Variants in GAN observed in about 807,000 individuals in gnomAD.
GAN encodes epididymis secretory sperm binding protein.
A neutral mutation model predicts 71.3 loss-of-function variants in GAN; 48 were observed. The observed-to-expected ratio is 0.67, with a 90% CI of 0.53 to 0.86. The LOEUF (loss-of-function observed/expected upper bound fraction) is 0.86. Ranked by LOEUF, GAN falls within the 40% of genes least tolerant of loss-of-function variation. The pLI is 0.00. For synonymous variants in GAN, 386 were observed against 276.8 expected (o/e 1.39, Z -3.92); for missense variants, 928 against 770.1 (o/e 1.21, Z -2.43).
At chr16:81,361,619 A>AT (rs1910675407) in intron 5 of GAN, among the ~76,000 whole-genome samples, 1 of 152,230 alleles carries the variant, frequency 6.6e-6, no homozygotes. Flanking sequence ...TTCATGCTTG[A>AT]TAACCTCTGT....
At chr16:81,375,843 A>C (rs930695376) in intron 9 of GAN, among the ~76,000 whole-genome samples, 3 of 151,734 alleles carry the variant, frequency 2.0e-5, no homozygotes, top group African/African-American at 7.3e-5. Context: ...GGTGGTGTGC[A>C]CCTGTGGTCC....
intron 1 of GAN, among the ~76,000 whole-genome samples, chr16:81,320,440 A>C (rs1184817232): frequency 6.6e-6 from 1 of 152,232 alleles, no homozygotes; most frequent in Non-Finnish European, 1.5e-5. Flanking sequence ...TACACTCCCG[A>C]GGCAGCAGTA....
At chr16:81,316,864 T>C (rs1334039499) in intron 1 of GAN, among the ~76,000 whole-genome samples, 3 of 152,164 alleles carry the variant, frequency 2.0e-5, no homozygotes, top group Non-Finnish European at 4.4e-5. Flanking sequence ...CGTGGTGTTT[T>C]GTTTTGTTTT....
intron 1 of GAN, among the ~76,000 whole-genome samples, chr16:81,343,682 G>T (rs1910021736): frequency 6.6e-6 from 1 of 152,294 alleles, no homozygotes; most frequent in Middle Eastern, 3.4e-3. Context: ...GCAAAAATTG[G>T]AAGTATTCTC....
chr16:81,369,038 T>G (rs758758795), intron 9 of GAN, among the ~76,000 whole-genome samples: 1 of 152,240 alleles, frequency 6.6e-6, no homozygotes, highest in Non-Finnish European at 1.5e-5. Flanking sequence ...GCTCACTTTT[T>G]AAATCCTCTT....
intron 3 of GAN, among the ~76,000 whole-genome samples, chr16:81,355,789 C>T (rs1364555444): frequency 1.3e-5 from 2 of 152,090 alleles, no homozygotes; most frequent in Non-Finnish European, 2.9e-5. Flanking sequence ...GTTAATTGTT[C>T]TTGTAAGTTA....
rs577037183 is a variant in GAN, at chr16:81,386,939, C to G, written c.*9343C>G. ...CCAGCCGGGCAACAAGGGCTAAACTCCATCTCAAAAGAAAAGAAAGAAAGG... is the reference window on the plus strand; with the variant it reads ...CCAGCCGGGCAACAAGGGCTAAACTGCATCTCAAAAGAAAAGAAAGAAAGG... On this transcript the variant is annotated 3_prime_UTR_variant, in exon 11 of 11. Transcript: ENST00000648994. The G allele has an allele frequency of 1.3e-5, 2 of 152,344 alleles. No individual in the cohort carries two copies. The highest frequency in any genetic ancestry group is 1.5e-5 in the Non-Finnish European group (1 of 68,090). The allele number at this position is 152,344 out of a possible 1,614,324, so 9.4% of individuals were successfully genotyped here. A position where few individuals can be genotyped will look rare whatever the true frequency, so the allele number is the denominator to read the frequency against.
rs376066543 is a variant in GAN at position 81,315,849 on chromosome 16, C to T, written c.167+569C>T. ...TCGCTGGGTGCAGGCAGAGAAAACC[C>T]TCTCGATGTTCTCCTTGGGTTGGTA... On this transcript the variant is annotated intron_variant, in intron 1 of 10. Transcript: ENST00000648994. Among the ~76,000 whole-genome samples, 59 of 152,266 alleles carry T rather than the reference C, an allele frequency of 3.9e-4. 1 individual carries two copies. The highest frequency in any genetic ancestry group is 2.9e-5 in the Non-Finnish European group (2 of 68,040).
In GAN at chr16:81,389,698, A is replaced by C. The variant is rs1904508683; in HGVS notation, c.*12102A>C. The C allele has an allele frequency of 6.6e-6, 1 of 152,216 alleles. No homozygotes were observed. Among genetic ancestry groups the C allele is most frequent in the Non-Finnish European group, 1.5e-5 (1 of 68,042 alleles). 9.4% of individuals were successfully genotyped at this position (152,216 alleles called of 1,614,324 possible). A position where few individuals can be genotyped will look rare whatever the true frequency, so the allele number is the denominator to read the frequency against. ...CTGCCATGAAAGAGAACTATCAAGG[A>C]AATTCCTGAAAACAAGATTTGTAAA... is the stretch of plus-strand genomic sequence containing the variant. On this transcript the variant is annotated 3_prime_UTR_variant, in exon 11 of 11. Transcript: ENST00000648994.
Position 81,384,893 on chromosome 16 carries a change from G to C in GAN, c.*7297G>C, listed in dbSNP as rs907007554. The C allele has an allele frequency of 1.9e-5, 3 of 153,882 alleles. No homozygotes were observed. Among genetic ancestry groups the C allele is most frequent in the Non-Finnish European group, 4.4e-5 (3 of 68,082 alleles). The allele number at this position is 153,882 out of a possible 1,614,324, so 9.5% of individuals were successfully genotyped here. A position where few individuals can be genotyped will look rare whatever the true frequency, so the allele number is the denominator to read the frequency against. On this transcript the variant is annotated 3_prime_UTR_variant, in exon 11 of 11. Coordinates refer to ENST00000648994, the MANE Select transcript of GAN (RefSeq NM_022041.4). ...AAGATGAGGAGGCTCACCAGTTGTAGGCAAGACTCTTCCTCTCGGGAGATC... is the reference window on the plus strand; with the variant it reads ...AAGATGAGGAGGCTCACCAGTTGTACGCAAGACTCTTCCTCTCGGGAGATC...
intron 1 of GAN, among the ~76,000 whole-genome samples, chr16:81,339,534 A>G (rs1038279052): frequency 6.6e-6 from 1 of 152,240 alleles, no homozygotes; most frequent in Non-Finnish European, 1.5e-5. Flanking sequence ...TTGTCAGCAT[A>G]CAGTGATAAA....
chr16:81,328,598 C>A (rs1431912355), intron 1 of GAN, among the ~76,000 whole-genome samples: 1 of 151,048 alleles, frequency 6.6e-6, no homozygotes, highest in Non-Finnish European at 1.5e-5. Flanking sequence ...AGCCAGGTTA[C>A]TGTCCAGGAA....
chr16:81,330,116 C>T (rs1909524499), intron 1 of GAN, among the ~76,000 whole-genome samples: 1 of 152,256 alleles, frequency 6.6e-6, no homozygotes, highest in Non-Finnish European at 1.5e-5. Context: ...TTGCCACTGG[C>T]CCTGCCCCTC....
intron 1 of GAN, among the ~76,000 whole-genome samples, chr16:81,319,206 T>TTTTATATA (rs61540131): frequency 2.9e-5 from 4 of 138,794 alleles, no homozygotes; most frequent in East Asian, 4.4e-4. Flanking sequence ...TAGATATAGA[T>TTTTATATA]TATATATATA....
chr16:81,354,572 T>C lies in GAN; in HGVS notation c.450T>C (p.His150=). Reference sequence around the variant, plus strand: ...TACATTACTGCCTCCATCACGTTCATTACCTTGCCACAGAATACCTGGAGA... The same window carrying C: ...TACATTACTGCCTCCATCACGTTCACTACCTTGCCACAGAATACCTGGAGA... The part of the protein sequence containing the change: ...FALHYCLHHV[H]YLATEYLETH... The change falls in exon 3 of 11, where the codon CAT becomes CAC. Residue 150 remains histidine (H), a synonymous_variant. Transcript: ENST00000648994. The C allele has an allele frequency of 4.3e-6, 7 of 1,614,148 alleles. No individual in the cohort carries two copies. The highest frequency in any genetic ancestry group is 5.9e-6 in the Non-Finnish European group (7 of 1,180,012).
intron 7 of GAN, 70 bp from the exon 8 acceptor site, chr16:81,364,904 G>T: frequency 1.4e-6 from 2 of 1,474,938 alleles, no homozygotes; most frequent in Non-Finnish European, 1.9e-6. Context: ...GGCCCAGACA[G>T]TTTAATATCT....
At chr16:81,317,353 A>G (rs1019057465) in intron 1 of GAN, among the ~76,000 whole-genome samples, 16 of 152,274 alleles carry the variant, frequency 1.1e-4, no homozygotes, top group Non-Finnish European at 2.2e-4. Context: ...CAGAGTTTGA[A>G]GACCCGCTTT....
At chr16:81,364,849 T>G in intron 7 of GAN, 125 bp from the exon 8 acceptor site, 1 of 934,230 alleles carries the variant, frequency 1.1e-6, no homozygotes, top group Non-Finnish European at 1.7e-6. Flanking sequence ...AGCACCATCG[T>G]TTTACGGTTA....
At chr16:81,363,634 G>A (rs868243999) in intron 6 of GAN, among the ~76,000 whole-genome samples, 160 bp from the exon 7 acceptor site, 3 of 152,278 alleles carry the variant, frequency 2.0e-5, no homozygotes, top group South Asian at 4.1e-4. Flanking sequence ...AATAGTTAGT[G>A]TTTCAGCCCT....
Sources: allele counts gnomAD v4.1 joint callset (sites outside exome capture counted in the v4.1 genomes callset), GRCh38; gene constraint gnomAD v4.1.1; transcripts MANE v1.5; gene names NCBI Gene and HGNC (gene_info 2026-07-23, HGNC 2026-07-21).